Variants in CKMT2 observed in about 807,000 individuals in gnomAD.
CKMT2 encodes the protein creatine kinase, mitochondrial 2.
Under a neutral mutation model 48.9 loss-of-function variants are expected in CKMT2, and 43 were observed. That is an observed-to-expected ratio of 0.88 (90% CI 0.69 to 1.13). CKMT2 has a LOEUF of 1.13. Among genes scored for constraint, CKMT2 ranks in the 50% most tolerant of loss-of-function variants. The probability of loss-of-function intolerance (pLI) is 0.00; values close to 1 mark genes in which losing one functional copy is unlikely to be tolerated. For synonymous variants in CKMT2, 206 were observed against 213.0 expected, an observed-to-expected ratio of 0.97 and a Z score of 0.29; for missense variants, 472 against 555.4, an observed-to-expected ratio of 0.85 and a Z score of 1.51.
intron 6 of CKMT2, among the ~76,000 whole-genome samples, chr5:81,257,210 T>G (rs959640898): frequency 1.3e-5 from 2 of 151,788 alleles, no homozygotes; most frequent in Non-Finnish European, 1.5e-5. Context: ...TTCTAAGATG[T>G]GTAGAAATAT....
At chr5:81,243,600 A>G in intron 1 of CKMT2, among the ~76,000 whole-genome samples, 1 of 152,144 alleles carries the variant, frequency 6.6e-6, no homozygotes, top group East Asian at 1.9e-4. Flanking sequence ...GCTGAATGTG[A>G]GGCTAGCTAC....
chr5:81,234,753 G>A (rs574027192), intron 1 of CKMT2, among the ~76,000 whole-genome samples: 100 of 152,040 alleles, frequency 6.6e-4, no homozygotes, highest in African/African-American at 2.2e-3. Context: ...GGGTTGGGTC[G>A]GGGGGAGTAC....
chr5:81,260,918 A>G (rs1757200822), intron 8 of CKMT2, among the ~76,000 whole-genome samples: 1 of 152,194 alleles, frequency 6.6e-6, no homozygotes, highest in Non-Finnish European at 1.5e-5. Context: ...ATAAAAAAAG[A>G]AAAATTTCAC....
chr5:81,264,691 A>T lies in CKMT2; in HGVS notation c.1140+1075A>T, dbSNP rs1438975686. Reference sequence around the variant, plus strand: ...ACTAGATATTTATTACTGGAAAACAATGTAGTTAATGCTTTAAAAATGTTA... The same window carrying T: ...ACTAGATATTTATTACTGGAAAACATTGTAGTTAATGCTTTAAAAATGTTA... On this transcript the variant is annotated intron_variant, in intron 9 of 9. Transcript: ENST00000254035. 3.3e-5 allele frequency among the ~76,000 whole-genome samples: 5 copies of T among 152,308 alleles called. No homozygotes were observed. The East Asian group carries it at 7.7e-4, about 23-fold the overall frequency.
intron 1 of CKMT2, among the ~76,000 whole-genome samples, chr5:81,235,516 G>A (rs1561273703): frequency 2.6e-5 from 4 of 152,192 alleles, no homozygotes; most frequent in Non-Finnish European, 4.4e-5. Flanking sequence ...CATGGACGCT[G>A]TGAATGGCTG....
chr5:81,260,089 G>A (rs558133763), intron 8 of CKMT2, among the ~76,000 whole-genome samples: 1 of 152,152 alleles, frequency 6.6e-6, no homozygotes, highest in Non-Finnish European at 1.5e-5. Context: ...ACGAATACAT[G>A]GAAATTGAAC....
At chr5:81,255,314 T>G in intron 5 of CKMT2, 100 bp downstream of exon 5, 2 of 1,094,610 alleles carry the variant, frequency 1.8e-6, no homozygotes, top group South Asian at 2.8e-5. Flanking sequence ...TTACCCTAGC[T>G]GGGAGCTTGC....
chr5:81,237,674 G>A (rs532643377), intron 1 of CKMT2: 34 of 152,176 alleles, frequency 2.2e-4, no homozygotes, highest in African/African-American at 6.5e-4. Flanking sequence ...CTCCGAGTCC[G>A]TTACTCTGAA....
intron 5 of CKMT2, among the ~76,000 whole-genome samples, chr5:81,256,119 A>C (rs1023789370): frequency 2.6e-5 from 4 of 152,234 alleles, no homozygotes; most frequent in Non-Finnish European, 5.9e-5. Context: ...ATTTGAATAT[A>C]TCTCTCTGTA....
chr5:81,255,329 C>T (rs1756967297), intron 5 of CKMT2, 115 bp downstream of exon 5: 1 of 905,360 alleles, frequency 1.1e-6, no homozygotes, highest in East Asian at 2.6e-5. Flanking sequence ...GCTTGCTGGG[C>T]TCCACCCCTG....
chr5:81,234,021 TAAAAAAAAAAA>T (rs536455571), intron 1 of CKMT2, among the ~76,000 whole-genome samples: 2 of 91,932 alleles, frequency 2.2e-5, no homozygotes, highest in South Asian at 4.2e-4. Flanking sequence ...GGAGGTTAAT[TAAAAAAAAAAA>T]AAAAAAAAAA....
At chr5:81,260,864 A>G (rs1757198731) in intron 8 of CKMT2, among the ~76,000 whole-genome samples, 1 of 152,232 alleles carries the variant, frequency 6.6e-6, no homozygotes. Flanking sequence ...AACTCATTGT[A>G]TGAGGCCAGC....
At chr5:81,233,976 C>T (rs750084915) in intron 1 of CKMT2, among the ~76,000 whole-genome samples, 3 of 147,798 alleles carry the variant, frequency 2.0e-5, no homozygotes, top group East Asian at 2.0e-4. Context: ...GACAAGTAAC[C>T]GTCTCCCCTC....
chr5:81,233,324 A>G lies in CKMT2; in HGVS notation c.-74A>G, dbSNP rs537115050. ...GGCCGGCCCGACCAGCTCGCCCTGC[A>G]TACACTTCTTGGCTGTGTGCGCTCA... On this transcript the variant is annotated 5_prime_UTR_variant, in exon 1 of 10. Transcript: ENST00000254035. 7 of 985,788 alleles carry G rather than the reference A, an allele frequency of 7.1e-6. No homozygotes were observed. The South Asian group carries it at 1.4e-4, about 20-fold the overall frequency. 61.1% of individuals were successfully genotyped at this position (985,788 alleles called of 1,614,324 possible). A position where few individuals can be genotyped will look rare whatever the true frequency, so the allele number is the denominator to read the frequency against.
chr5:81,248,874 A>G (rs1756701568), intron 1 of CKMT2, among the ~76,000 whole-genome samples: 1 of 152,162 alleles, frequency 6.6e-6, no homozygotes, highest in Non-Finnish European at 1.5e-5. Context: ...CAGGTTTAGT[A>G]GAGACTTCGA....
chr5:81,245,427 T>C (rs1023048089), intron 1 of CKMT2: 2 of 152,096 alleles, frequency 1.3e-5, no homozygotes, highest in African/African-American at 2.4e-5. Flanking sequence ...ACAGGGACAA[T>C]AGCATATAAT....
At chr5:81,260,736 C>CA (rs1561287661) in intron 8 of CKMT2, among the ~76,000 whole-genome samples, 1 of 151,924 alleles carries the variant, frequency 6.6e-6, no homozygotes, top group African/African-American at 2.4e-5. Context: ...GCCTACCAAC[C>CA]AAAAAAAGTC....
intron 1 of CKMT2, chr5:81,245,225 G>C (rs746896735): frequency 1.3e-5 from 2 of 152,164 alleles, no homozygotes; most frequent in Non-Finnish European, 2.9e-5. Context: ...TCCAGAAAAG[G>C]GGGTGGAAAG....
intron 8 of CKMT2, among the ~76,000 whole-genome samples, chr5:81,261,951 G>A (rs1403774813): frequency 6.6e-6 from 1 of 152,096 alleles, no homozygotes; most frequent in Non-Finnish European, 1.5e-5. Flanking sequence ...ATACTACAAG[G>A]CTACAGTAAC....
Sources: allele counts gnomAD v4.1 joint callset (sites outside exome capture counted in the v4.1 genomes callset), GRCh38; gene constraint gnomAD v4.1.1; transcripts MANE v1.5; gene names NCBI Gene and HGNC (gene_info 2026-07-23, HGNC 2026-07-21).